The following KIAA1217 variants were observed in gnomAD, a reference collection of about 807,000 sequenced individuals.
The protein encoded by KIAA1217 is sickle tail protein homolog.
Under a neutral mutation model 163.9 loss-of-function variants are expected in KIAA1217, and 88 were observed. The ratio of observed to expected loss-of-function variants is 0.54; its 90% CI spans 0.45 to 0.64. The LOEUF is 0.64. Ranked by LOEUF, KIAA1217 falls within the 30% of genes least tolerant of loss-of-function variation. The pLI is 0.00. For missense variants in KIAA1217, 2,372 were observed against 2,475.0 expected (o/e 0.96, Z 0.88); for synonymous variants, 903 against 923.1 (o/e 0.98, Z 0.39).
chr10:24,172,126 G>C (rs2065660399), intron 2 of KIAA1217, among the ~76,000 whole-genome samples: 1 of 152,128 alleles, frequency 6.6e-6, no homozygotes, highest in Admixed American at 6.5e-5. Context: ...ATTCACACAA[G>C]GTAGTACAGA....
chr10:24,239,392 A>G (rs2072734978), intron 2 of KIAA1217: 2 of 678,624 alleles, frequency 2.9e-6, no homozygotes, highest in South Asian at 1.3e-4. Flanking sequence ...ATTTGGAAAC[A>G]TTTCGCTCTG....
intron 2 of KIAA1217, among the ~76,000 whole-genome samples, chr10:24,366,038 G>T (rs1808969487): frequency 6.6e-6 from 1 of 152,116 alleles, no homozygotes; most frequent in Admixed American, 6.6e-5. Context: ...CACCCCACTG[G>T]CAGATATTGG....
chr10:24,290,983 C>T (rs569330329), intron 2 of KIAA1217, among the ~76,000 whole-genome samples: 1 of 152,130 alleles, frequency 6.6e-6, no homozygotes, highest in Admixed American at 6.6e-5. Flanking sequence ...AAATTGTGCC[C>T]TCTTTTCAAA....
intron 2 of KIAA1217, among the ~76,000 whole-genome samples, chr10:24,334,643 AGTCTTCTTG>A: frequency 6.6e-6 from 1 of 152,142 alleles, no homozygotes; most frequent in East Asian, 1.9e-4. Context: ...CTCACCTAAC[AGTCTTCTTG>A]GTGCCTCTCA....
chr10:24,365,271 C>A (rs1006982285), intron 2 of KIAA1217, among the ~76,000 whole-genome samples: 2 of 152,180 alleles, frequency 1.3e-5, no homozygotes, highest in African/African-American at 4.8e-5. Context: ...GGCAGACTCA[C>A]TGGGACTCCG....
At chr10:23,896,766 C>T (rs1334026814) in intron 1 of KIAA1217, among the ~76,000 whole-genome samples, 1 of 151,806 alleles carries the variant, frequency 6.6e-6, no homozygotes, top group Non-Finnish European at 1.5e-5. Context: ...GAGATGTTTT[C>T]CATTATCAGT....
chr10:24,088,273 A>ATATATATATATATATATATATATG (rs2061782908), intron 2 of KIAA1217, among the ~76,000 whole-genome samples: 1 of 108,404 alleles, frequency 9.2e-6, no homozygotes, highest in African/African-American at 2.9e-5. Flanking sequence ...ATATATATAT[A>ATATATATATATATATATATATATG]TACACACATA....
intron 2 of KIAA1217, among the ~76,000 whole-genome samples, chr10:24,162,702 G>A (rs2065174445): frequency 6.6e-6 from 1 of 152,216 alleles, no homozygotes; most frequent in Non-Finnish European, 1.5e-5. Context: ...TTAGGAATCT[G>A]GGAGCAGCCT....
At chr10:23,786,589 C>T (rs1398637601) in intron 1 of KIAA1217, among the ~76,000 whole-genome samples, 3 of 151,604 alleles carry the variant, frequency 2.0e-5, no homozygotes, top group African/African-American at 7.3e-5. Flanking sequence ...ATCCTAACTC[C>T]GACTTTGGTA....
intron 1 of KIAA1217, among the ~76,000 whole-genome samples, chr10:23,801,716 C>G (rs957525014): frequency 2.0e-5 from 3 of 152,036 alleles, no homozygotes; most frequent in Non-Finnish European, 4.4e-5. Context: ...TGTTATTATC[C>G]CCCTATTAAA....
At position 24,433,197 on chromosome 10, in the gene KIAA1217, A is replaced by G. The variant is rs2059734360; in HGVS notation, c.752+4A>G. On this transcript the variant is annotated splice_donor_region_variant and intron_variant, in intron 4 of 20. Coordinates refer to ENST00000376454, the MANE Select transcript of KIAA1217 (RefSeq NM_019590.5). ...ATTATGAATTAAATGATGTAAGGTAAGTTGTGACATCATTTTTTGCCTGCC... is the reference window on the plus strand; with the variant it reads ...ATTATGAATTAAATGATGTAAGGTAGGTTGTGACATCATTTTTTGCCTGCC... 1 of 1,602,344 alleles carries G rather than the reference A, an allele frequency of 6.2e-7. No homozygotes were observed. Among genetic ancestry groups the G allele is most frequent in the Non-Finnish European group, 8.5e-7 (1 of 1,172,856 alleles).
intron 2 of KIAA1217, among the ~76,000 whole-genome samples, chr10:24,243,667 T>C (rs1057217964): frequency 1.3e-5 from 2 of 151,606 alleles, no homozygotes; most frequent in Admixed American, 1.3e-4. Flanking sequence ...TATACACATC[T>C]ATGAATGTGT....
intron 1 of KIAA1217, among the ~76,000 whole-genome samples, chr10:23,882,904 C>CA (rs879676067): frequency 4.0e-5 from 6 of 151,882 alleles, no homozygotes; most frequent in Non-Finnish European, 7.4e-5. Flanking sequence ...AAATAGTTCA[C>CA]AAAAACTTGG....
intron 2 of KIAA1217, among the ~76,000 whole-genome samples, chr10:24,298,972 A>C (rs937712692): frequency 4.6e-5 from 7 of 152,170 alleles, no homozygotes; most frequent in Non-Finnish European, 1.0e-4. Context: ...TTCAACTTTC[A>C]GAATTCAACT....
intron 2 of KIAA1217, among the ~76,000 whole-genome samples, chr10:24,031,984 T>C (rs1307995161): frequency 6.6e-6 from 1 of 152,212 alleles, no homozygotes; most frequent in African/African-American, 2.4e-5. Context: ...CTACAAAGGA[T>C]TTCTATAGGT....
intron 2 of KIAA1217, chr10:24,042,604 T>C (rs1428825932): frequency 1.3e-5 from 2 of 152,196 alleles, no homozygotes; most frequent in African/African-American, 4.8e-5. Flanking sequence ...TCAAAACTTA[T>C]CCATTTGATT....
chr10:23,738,970 T>C (rs1838956645), intron 1 of KIAA1217, among the ~76,000 whole-genome samples: 1 of 152,062 alleles, frequency 6.6e-6, no homozygotes, highest in Non-Finnish European at 1.5e-5. Context: ...GAGAAGAATT[T>C]TTGGATCAGG....
chr10:23,797,648 G>T (rs1836270703), intron 1 of KIAA1217, among the ~76,000 whole-genome samples: 1 of 152,082 alleles, frequency 6.6e-6, no homozygotes, highest in Non-Finnish European at 1.5e-5. Flanking sequence ...ACAGGAGAGA[G>T]CTAGCAAAAG....
chr10:24,292,349 TCTCTATTC>T (rs551298291), intron 2 of KIAA1217, among the ~76,000 whole-genome samples: 14 of 152,298 alleles, frequency 9.2e-5, no homozygotes, highest in African/African-American at 3.4e-4. Context: ...CCACTGTATT[TCTCTATTC>T]CAAATACCCA....
Sources: allele counts gnomAD v4.1 joint callset (sites outside exome capture counted in the v4.1 genomes callset), GRCh38; gene constraint gnomAD v4.1.1; transcripts MANE v1.5; gene names NCBI Gene and HGNC (gene_info 2026-07-23, HGNC 2026-07-21).